PRKCB: variants seen among roughly 807,000 people sequenced by gnomAD.
PRKCB encodes protein kinase C beta type.
A neutral mutation model predicts 81.5 loss-of-function variants in PRKCB; 13 were observed. The observed-to-expected ratio is 0.16, with a 90% CI of 0.10 to 0.25. PRKCB has a LOEUF of 0.25. PRKCB is among the 10% of genes least tolerant of loss of function. The pLI, the probability that PRKCB is intolerant of heterozygous loss-of-function variation, is 1.00. For synonymous variants in PRKCB, 335 were observed against 321.4 expected, an observed-to-expected ratio of 1.04 and a Z score of -0.45; for missense variants, 509 against 875.7, an observed-to-expected ratio of 0.58 and a Z score of 5.29.
At chr16:23,908,208 G>A (rs533741115) in intron 2 of PRKCB, among the ~76,000 whole-genome samples, 4 of 152,100 alleles carry the variant, frequency 2.6e-5, no homozygotes, top group Non-Finnish European at 4.4e-5. Context: ...CTGGGGCGGC[G>A]GGGATTCTTT....
chr16:24,176,106 T>A (rs1303702362), intron 12 of PRKCB, among the ~76,000 whole-genome samples: 1 of 151,378 alleles, frequency 6.6e-6, no homozygotes, highest in African/African-American at 2.4e-5. Context: ...GCTTTCAGAG[T>A]CCTGGGGCTT....
chr16:24,118,126 T>C (rs1966756386), intron 8 of PRKCB, among the ~76,000 whole-genome samples: 1 of 152,242 alleles, frequency 6.6e-6, no homozygotes, highest in East Asian at 1.9e-4. Context: ...GTGTGATTGC[T>C]TGAGAGCCAG....
chr16:24,112,896 T>C lies in PRKCB; in HGVS notation c.822-77T>C, dbSNP rs566935963. Reference sequence around the variant, plus strand: ...TTTCAAGTAGAGCTTTATATAGGCCTCCTTTTCATATGCTGATCAATAAAA... The same window carrying C: ...TTTCAAGTAGAGCTTTATATAGGCCCCCTTTTCATATGCTGATCAATAAAA... On this transcript the variant is annotated intron_variant, in intron 7 of 16. Transcript: ENST00000643927. 2.9e-6 allele frequency: 3 copies of C among 1,039,548 alleles called. No individual in the cohort carries two copies. The African/African-American group carries it at 4.9e-5, about 17-fold the overall frequency. The allele number at this position is 1,039,548 out of a possible 1,614,324, so 64.4% of individuals were successfully genotyped here. A position where few individuals can be genotyped will look rare whatever the true frequency, so the allele number is the denominator to read the frequency against.
At chr16:23,955,304 T>C (rs1964336018) in intron 2 of PRKCB, among the ~76,000 whole-genome samples, 1 of 152,096 alleles carries the variant, frequency 6.6e-6, no homozygotes, top group Non-Finnish European at 1.5e-5. Context: ...CATTCACGTG[T>C]GTATTATGAT....
At position 24,018,692 on chromosome 16, in the gene PRKCB, G is replaced by T. The variant is rs143777075; in HGVS notation, c.289-13444G>T. On this transcript the variant is annotated intron_variant, in intron 3 of 16. Transcript: ENST00000643927. ...ATAATTACGTATTCGCCAAATGGGC[G>T]GGGTTAGAAGAGGGCAGGGTATATC... Among the ~76,000 whole-genome samples the T allele has an allele frequency of 1.4e-3, 206 of 152,320 alleles. 2 individuals are homozygous for T. Among genetic ancestry groups the T allele is most frequent in the African/African-American group, 4.7e-3 (197 of 41,568 alleles).
chr16:23,955,853 T>G (rs561696670), intron 2 of PRKCB, among the ~76,000 whole-genome samples: 1 of 152,332 alleles, frequency 6.6e-6, no homozygotes, highest in African/African-American at 2.4e-5. Context: ...GTCCCTGCAC[T>G]GACTTTTTGT....
At chr16:23,989,005 G>T (rs1206814681) in intron 3 of PRKCB, among the ~76,000 whole-genome samples, 1 of 152,086 alleles carries the variant, frequency 6.6e-6, no homozygotes, top group Non-Finnish European at 1.5e-5. Context: ...CTATCGCCCA[G>T]GCTGGAGTGC....
intron 5 of PRKCB, among the ~76,000 whole-genome samples, chr16:24,059,634 T>A (rs936175690): frequency 6.6e-6 from 1 of 152,100 alleles, no homozygotes; most frequent in Non-Finnish European, 1.5e-5. Context: ...AGCACTGCAC[T>A]CCAGCCTGAG....
At chr16:23,985,548 A>C (rs1179437412) in intron 2 of PRKCB, among the ~76,000 whole-genome samples, 1 of 152,246 alleles carries the variant, frequency 6.6e-6, no homozygotes, top group Non-Finnish European at 1.5e-5. Flanking sequence ...ACAAGGGGAC[A>C]ATCATTTCCT....
chr16:24,151,742 A>T (rs555547094), intron 9 of PRKCB: 14 of 452,564 alleles, frequency 3.1e-5, no homozygotes, highest in Admixed American at 9.4e-5. Flanking sequence ...TTCAAGAGCC[A>T]CTGAAGGGCT....
chr16:23,904,694 A>G (rs1963530293), intron 2 of PRKCB, among the ~76,000 whole-genome samples: 1 of 152,150 alleles, frequency 6.6e-6, no homozygotes, highest in South Asian at 2.1e-4. Flanking sequence ...ACAAAAAACC[A>G]CAACACTTAG....
chr16:23,893,959 G>T (rs917645942), intron 2 of PRKCB: 1 of 152,212 alleles, frequency 6.6e-6, no homozygotes, highest in African/African-American at 2.4e-5. Flanking sequence ...GCACAACTTA[G>T]TGGTGTCAAA....
intron 13 of PRKCB, among the ~76,000 whole-genome samples, chr16:24,183,887 T>C (rs1325711750): frequency 6.6e-6 from 1 of 152,234 alleles, no homozygotes; most frequent in African/African-American, 2.4e-5. Context: ...ATAGCTCTTC[T>C]AGACTTTTCC....
Position 24,174,520 on chromosome 16 carries a change from T to A in PRKCB, c.1334T>A (p.Phe445Tyr). 1 of 1,612,456 alleles carries A rather than the reference T, an allele frequency of 6.2e-7. No individual in the cohort carries two copies. The highest frequency in any genetic ancestry group is 1.1e-5 in the South Asian group (1 of 90,514). The change falls in exon 12 of 17, where the codon TTT becomes TAT. Residue 445 changes from phenylalanine to tyrosine, a missense_variant and splice_region_variant. Transcript: ENST00000643927. ...VGRFKEPHAV[F>Y]YAAEIAIGLF... ...TTTTTTTTTTTTTTTAATTTCAGAT[T>A]TTACGCTGCAGAAATTGCCATCGGT...
intron 16 of PRKCB, among the ~76,000 whole-genome samples, chr16:24,204,861 C>T (rs1968019397): frequency 6.6e-6 from 1 of 152,084 alleles, no homozygotes. Context: ...GAGGCTCATG[C>T]CTGTAATCCT....
At chr16:23,916,757 A>G (rs770472052) in intron 2 of PRKCB, among the ~76,000 whole-genome samples, 9 of 152,100 alleles carry the variant, frequency 5.9e-5, no homozygotes, top group Non-Finnish European at 1.0e-4. Flanking sequence ...GTGCATATAG[A>G]ACATCCTCAT....
chr16:24,211,238 CA>C (rs2141993474), intron 16 of PRKCB, among the ~76,000 whole-genome samples: 1 of 152,298 alleles, frequency 6.6e-6, no homozygotes, highest in South Asian at 2.1e-4. Context: ...TTTAAAAATT[CA>C]AGACTGTTTC....
At chr16:24,152,057 A>G (rs1567393488) in intron 9 of PRKCB, among the ~76,000 whole-genome samples, 1 of 152,126 alleles carries the variant, frequency 6.6e-6, no homozygotes, top group Non-Finnish European at 1.5e-5. Context: ...GGATTGTTGG[A>G]TGGTGCCTTG....
intron 16 of PRKCB, among the ~76,000 whole-genome samples, chr16:24,196,708 A>G (rs910374076): frequency 2.6e-5 from 4 of 152,164 alleles, no homozygotes; most frequent in African/African-American, 9.7e-5. Flanking sequence ...CTCCCAGGGG[A>G]TAGGACACTG....
Sources: allele counts gnomAD v4.1 joint callset (sites outside exome capture counted in the v4.1 genomes callset), GRCh38; gene constraint gnomAD v4.1.1; transcripts MANE v1.5; gene names NCBI Gene and HGNC (gene_info 2026-07-23, HGNC 2026-07-21).